DLG2: variants seen among roughly 807,000 people sequenced by gnomAD.
DLG2 encodes the protein discs large MAGUK scaffold protein 2.
DLG2 carries 45 observed loss-of-function variants against 132.5 expected under a neutral mutation model. The ratio of observed to expected loss-of-function variants is 0.34; its 90% CI spans 0.27 to 0.44. DLG2 has a LOEUF of 0.44. DLG2 is among the 20% of genes least tolerant of loss of function. The pLI is 1.00. For missense variants in DLG2, 1,045 were observed against 1,196.9 expected (o/e 0.87, Z 1.87); for synonymous variants, 424 against 419.6 (o/e 1.01, Z -0.13).
intron 21 of DLG2, among the ~76,000 whole-genome samples, chr11:83,506,145 G>A (rs1053992804): frequency 6.6e-5 from 10 of 152,166 alleles, no homozygotes; most frequent in Non-Finnish European, 1.0e-4. Context: ...TGGATGACCC[G>A]TAGTCAAACG....
At chr11:85,087,567 G>C (rs183878615) in intron 6 of DLG2, among the ~76,000 whole-genome samples, 1 of 152,226 alleles carries the variant, frequency 6.6e-6, no homozygotes, top group Admixed American at 6.5e-5. Flanking sequence ...GGCCGGGCGC[G>C]GTGGCTCACG....
At chr11:85,496,988 G>T (rs1252640737) in intron 3 of DLG2, among the ~76,000 whole-genome samples, 1 of 152,030 alleles carries the variant, frequency 6.6e-6, no homozygotes, top group Non-Finnish European at 1.5e-5. Context: ...CAGCAGAAAG[G>T]CTGAAAATTC....
intron 3 of DLG2, among the ~76,000 whole-genome samples, chr11:85,509,698 G>T (rs2094013538): frequency 6.6e-6 from 1 of 151,984 alleles, no homozygotes; most frequent in South Asian, 2.1e-4. Context: ...CCTGCCATGA[G>T]TCAGGTGCTG....
chr11:85,569,029 T>G (rs2077697494), intron 3 of DLG2, among the ~76,000 whole-genome samples: 1 of 152,134 alleles, frequency 6.6e-6, no homozygotes, highest in Non-Finnish European at 1.5e-5. Flanking sequence ...TCTTTCTTTT[T>G]TGTTTGTTTG....
At chr11:83,920,522 G>C (rs2077677191) in intron 15 of DLG2, among the ~76,000 whole-genome samples, 1 of 152,034 alleles carries the variant, frequency 6.6e-6, no homozygotes, top group Middle Eastern at 3.2e-3. Context: ...GTTATGAATG[G>C]AAACAGTCTT....
At chr11:85,247,408 A>G (rs538942607) in intron 4 of DLG2, among the ~76,000 whole-genome samples, 1 of 151,936 alleles carries the variant, frequency 6.6e-6, no homozygotes, top group Non-Finnish European at 1.5e-5. Context: ...TCTTTATTCA[A>G]TTGTCATCTT....
chr11:84,514,262 C>T (rs2099265793), intron 7 of DLG2, among the ~76,000 whole-genome samples: 1 of 151,940 alleles, frequency 6.6e-6, no homozygotes, highest in Non-Finnish European at 1.5e-5. Flanking sequence ...ATTAGTACAA[C>T]CACTATGGAG....
chr11:84,175,715 A>G (rs1031412615), intron 8 of DLG2, among the ~76,000 whole-genome samples: 3 of 152,126 alleles, frequency 2.0e-5, no homozygotes, highest in African/African-American at 7.2e-5. Flanking sequence ...CAACCTTGGG[A>G]AAAGAGCTAT....
intron 6 of DLG2, among the ~76,000 whole-genome samples, chr11:85,052,462 T>C (rs929272278): frequency 1.3e-5 from 2 of 152,178 alleles, no homozygotes; most frequent in African/African-American, 4.8e-5. Context: ...CATTTTGCAT[T>C]ATATACCTTG....
intron 3 of DLG2, among the ~76,000 whole-genome samples, chr11:85,459,549 G>T (rs1436509510): frequency 6.6e-6 from 1 of 152,158 alleles, no homozygotes; most frequent in Non-Finnish European, 1.5e-5. Flanking sequence ...CTTAGCTGTG[G>T]ATGGGTGGCT....
intron 19 of DLG2, among the ~76,000 whole-genome samples, chr11:83,542,837 A>G (rs1342353915): frequency 6.6e-6 from 1 of 152,188 alleles, no homozygotes; most frequent in Admixed American, 6.6e-5. Flanking sequence ...ACTTTCCCAG[A>G]GAAGCAGATT....
chr11:84,401,955 T>C (rs929079465), intron 7 of DLG2, among the ~76,000 whole-genome samples: 4 of 152,218 alleles, frequency 2.6e-5, no homozygotes, highest in East Asian at 1.9e-4. Context: ...TAGAAACTGA[T>C]ATGAATTTCA....
chr11:83,547,048 A>G (rs1486528299), intron 19 of DLG2, among the ~76,000 whole-genome samples: 2 of 152,082 alleles, frequency 1.3e-5, no homozygotes, highest in African/African-American at 2.4e-5. Flanking sequence ...AGCTCAAAAC[A>G]CTCACACTCT....
intron 6 of DLG2, among the ~76,000 whole-genome samples, chr11:84,951,131 G>T (rs11234251): frequency 5.9e-5 from 9 of 151,864 alleles, no homozygotes; most frequent in Admixed American, 5.2e-4. Flanking sequence ...TATGCTGAGA[G>T]GGAATGACTG....
intron 19 of DLG2, among the ~76,000 whole-genome samples, chr11:83,627,635 C>T (rs1448529767): frequency 6.6e-5 from 10 of 152,212 alleles, no homozygotes; most frequent in African/African-American, 2.4e-4. Flanking sequence ...TGGATTGGTT[C>T]CAAGTCTTTG....
At chr11:83,836,257 C>T (rs1206272369) in intron 16 of DLG2, among the ~76,000 whole-genome samples, 1 of 152,172 alleles carries the variant, frequency 6.6e-6, no homozygotes, top group Non-Finnish European at 1.5e-5. Flanking sequence ...TTTGCATGTT[C>T]ATCTCATCCA....
chr11:84,374,580 A>G (rs1174301896), intron 7 of DLG2, among the ~76,000 whole-genome samples: 2 of 152,122 alleles, frequency 1.3e-5, no homozygotes, highest in Non-Finnish European at 2.9e-5. Context: ...AGGGAGACCA[A>G]AAGATTGGAC....
intron 9 of DLG2, among the ~76,000 whole-genome samples, chr11:84,138,923 T>C (rs2083911196): frequency 7.6e-6 from 1 of 130,838 alleles, no homozygotes; most frequent in South Asian, 2.3e-4. Context: ...CATCCCAAAC[T>C]GCATGGCAGA....
At chr11:83,709,962 T>C (rs999020940) in intron 18 of DLG2, among the ~76,000 whole-genome samples, 1 of 152,148 alleles carries the variant, frequency 6.6e-6, no homozygotes, top group African/African-American at 2.4e-5. Flanking sequence ...CTCCACTGGA[T>C]AGGTGTGTCT....
Sources: allele counts gnomAD v4.1 joint callset (sites outside exome capture counted in the v4.1 genomes callset), GRCh38; gene constraint gnomAD v4.1.1; transcripts MANE v1.5; gene names NCBI Gene and HGNC (gene_info 2026-07-23, HGNC 2026-07-21).